UBE4B: variants seen among roughly 807,000 people sequenced by gnomAD.
The protein encoded by UBE4B is ubiquitination factor E4B.
In UBE4B, 27 loss-of-function variants were observed where a neutral mutation model predicts 148.1. That is an observed-to-expected ratio of 0.18 (90% CI 0.13 to 0.25). The LOEUF is 0.25. Ranked by LOEUF, UBE4B falls within the 10% of genes least tolerant of loss-of-function variation. The pLI, the probability that UBE4B is intolerant of heterozygous loss-of-function variation, is 1.00. For missense variants in UBE4B, 1,170 were observed against 1,662.4 expected (o/e 0.70, Z 5.15); for synonymous variants, 596 against 619.3 (o/e 0.96, Z 0.56).
chr1:10,113,626 G>T (rs1645257726), intron 7 of UBE4B, among the ~76,000 whole-genome samples: 1 of 152,162 alleles, frequency 6.6e-6, no homozygotes, highest in African/African-American at 2.4e-5. Flanking sequence ...CGGATGTATT[G>T]CTAGGAATGG....
At position 10,127,081 on chromosome 1, in the gene UBE4B, C is replaced by A. The variant is rs1011964881; in HGVS notation, c.1638+204C>A. On this transcript the variant is annotated intron_variant, in intron 11 of 27. Coordinates refer to ENST00000343090, the MANE Select transcript of UBE4B (RefSeq NM_001105562.3). Reference sequence around the variant, plus strand: ...GTTAGCAGCCTGGTACATCTTCCACCTATCCAAGTCCTAGACAGGAGTTAA... The same window carrying A: ...GTTAGCAGCCTGGTACATCTTCCACATATCCAAGTCCTAGACAGGAGTTAA... 6.6e-5 allele frequency among the ~76,000 whole-genome samples: 10 copies of A among 152,202 alleles called. No homozygotes were observed. The South Asian group carries it at 2.1e-3, about 32-fold the overall frequency.
intron 7 of UBE4B, among the ~76,000 whole-genome samples, chr1:10,107,758 A>G (rs1221264198): frequency 6.6e-6 from 1 of 151,696 alleles, no homozygotes; most frequent in African/African-American, 2.4e-5. Context: ...TTGTATTTTT[A>G]GTAGAGACAG....
chr1:10,134,927 C>G, intron 15 of UBE4B, 61 bp from the exon 16 acceptor site: 1 of 1,462,436 alleles, frequency 6.8e-7, no homozygotes, highest in Non-Finnish European at 9.4e-7. Flanking sequence ...AGAGTGAGAC[C>G]CCATCTCAAA....
In UBE4B at chr1:10,161,423, A is replaced by G. The variant is rs57761656; in HGVS notation, c.3198+137A>G. The G allele has an allele frequency of 4.9e-3, 5,085 of 1,045,642 alleles. 161 individuals are homozygous for G. The African/African-American group carries it at 0.072, about 15-fold the overall frequency. 64.8% of individuals were successfully genotyped at this position (1,045,642 alleles called of 1,614,324 possible). ...GCTGGGATTTTCCTTCCATGAAATC[A>G]TATTGCAGGATTGGAATAGGAAAAT... On this transcript the variant is annotated intron_variant, in intron 23 of 27. Coordinates refer to ENST00000343090, the MANE Select transcript of UBE4B (RefSeq NM_001105562.3). The surrounding 1 kb of genome is among the most constrained non-coding windows in gnomAD (Gnocchi z 4.1).
chr1:10,087,817 C>G (rs1468074959), intron 2 of UBE4B, among the ~76,000 whole-genome samples: 3 of 152,168 alleles, frequency 2.0e-5, no homozygotes, highest in African/African-American at 7.2e-5. Context: ...CCATCCCACA[C>G]TTAAGGGGTG....
intron 17 of UBE4B, among the ~76,000 whole-genome samples, chr1:10,141,148 T>A (rs1645776447): frequency 6.6e-6 from 1 of 152,142 alleles, no homozygotes; most frequent in Admixed American, 6.6e-5. Flanking sequence ...ACATATGTGG[T>A]TGGTAGAGTA....
chr1:10,077,000 C>T (rs1644595487), intron 2 of UBE4B, among the ~76,000 whole-genome samples: 1 of 152,092 alleles, frequency 6.6e-6, no homozygotes, highest in Non-Finnish European at 1.5e-5. Context: ...CCGCCTCAGC[C>T]TCCCAAAGTG....
intron 24 of UBE4B, among the ~76,000 whole-genome samples, chr1:10,169,188 G>T (rs1646301284): frequency 6.6e-6 from 1 of 152,208 alleles, no homozygotes; most frequent in African/African-American, 2.4e-5. Context: ...CCACAAAGTT[G>T]AAAAGTTTTA....
chr1:10,126,755 C>G, intron 10 of UBE4B, 39 bp from the exon 11 acceptor site: 3 of 1,546,114 alleles, frequency 1.9e-6, no homozygotes, highest in Non-Finnish European at 2.7e-6. Flanking sequence ...CTTAGATTCT[C>G]TTAAACTTAT....
At chr1:10,148,656 A>G (rs1038378877) in intron 19 of UBE4B, among the ~76,000 whole-genome samples, 3 of 148,568 alleles carry the variant, frequency 2.0e-5, no homozygotes, top group Admixed American at 6.8e-5. Flanking sequence ...AATCAAGAAA[A>G]GGGCCAGGTG....
chr1:10,145,473 G>A (rs112410336), intron 18 of UBE4B: 1,776 of 152,880 alleles, frequency 0.012, 45 homozygotes, highest in African/African-American at 0.04. Flanking sequence ...GATGGCGGGC[G>A]CCTGTAGTCC....
chr1:10,071,824 C>A (rs1401894346), intron 1 of UBE4B, among the ~76,000 whole-genome samples: 2 of 152,116 alleles, frequency 1.3e-5, no homozygotes, highest in African/African-American at 4.8e-5. Flanking sequence ...CACCGCTGAA[C>A]CTGGCCAAAA....
intron 8 of UBE4B, among the ~76,000 whole-genome samples, chr1:10,118,868 CTTTTTTTTTTTTTTT>C (rs35822677): frequency 1.0e-3 from 24 of 23,090 alleles, no homozygotes; most frequent in African/African-American, 2.8e-3. Context: ...CCAGGCTGGT[CTTTTTTTTTTTTTTT>C]TTTTTTTTTT....
chr1:10,046,313 C>G (rs1180816534), intron 1 of UBE4B, among the ~76,000 whole-genome samples: 1 of 152,186 alleles, frequency 6.6e-6, no homozygotes, highest in Non-Finnish European at 1.5e-5. Flanking sequence ...TCTTTCCAAA[C>G]CCTTCTCCCG....
chr1:10,164,944 A>G (rs1282995660), intron 23 of UBE4B, among the ~76,000 whole-genome samples: 3 of 152,176 alleles, frequency 2.0e-5, no homozygotes, highest in Non-Finnish European at 2.9e-5. Flanking sequence ...GTTTCCTGCC[A>G]TTTAATGTCA....
chr1:10,091,742 A>G lies in UBE4B; in HGVS notation c.212-3719A>G, dbSNP rs1644851617. Among the ~76,000 whole-genome samples the G allele has an allele frequency of 3.3e-5, 5 of 152,224 alleles. No homozygotes were observed. In the South Asian group the frequency reaches 1.0e-3, roughly 32 times the overall value. On this transcript the variant is annotated intron_variant, in intron 2 of 27. Transcript: ENST00000343090. ...TGACTCAGCCTCCCTAGTAGCTGGG[A>G]TTACAGGCTCCCGCCTCTGCGCCAG...
At chr1:10,053,825 G>A (rs1189767684) in intron 1 of UBE4B, among the ~76,000 whole-genome samples, 3 of 151,988 alleles carry the variant, frequency 2.0e-5, no homozygotes. Flanking sequence ...AAGTATCTGT[G>A]ACCACAGGTG....
chr1:10,061,673 C>T (rs1644288318), intron 1 of UBE4B, among the ~76,000 whole-genome samples: 2 of 152,154 alleles, frequency 1.3e-5, no homozygotes, highest in South Asian at 4.1e-4. Flanking sequence ...TCCTGGCCTT[C>T]ATGGGTCCCA....
At chr1:10,089,335 C>T (rs1467135993) in intron 2 of UBE4B, among the ~76,000 whole-genome samples, 1 of 151,964 alleles carries the variant, frequency 6.6e-6, no homozygotes, top group Non-Finnish European at 1.5e-5. Context: ...AGGAAATTAG[C>T]TGCTAAGAAA....
Sources: gnomAD v4.1 joint callset for allele counts (sites outside exome capture counted in the v4.1 genomes callset) on GRCh38, gnomAD v4.1.1 for gene constraint, Gnocchi (gnomAD v3.1) non-coding constraint, MANE v1.5 for transcripts, NCBI Gene and HGNC (gene_info 2026-07-23, HGNC 2026-07-21) for gene names.